Variants in FAM120C observed in about 807,000 individuals in gnomAD.
The protein encoded by FAM120C is constitutive coactivator of PPAR-gamma-like protein 2.
FAM120C carries 14 observed loss-of-function variants against 71.2 expected under a neutral mutation model. The ratio of observed to expected loss-of-function variants is 0.20; its 90% CI spans 0.13 to 0.31. The LOEUF is 0.31. Ranked by LOEUF, FAM120C falls within the 10% of genes least tolerant of loss-of-function variation. The pLI, the probability that FAM120C is intolerant of heterozygous loss-of-function variation, is 1.00. For synonymous variants in FAM120C, 354 were observed against 353.2 expected (o/e 1.00, Z -0.03); for missense variants, 500 against 879.0 (o/e 0.57, Z 5.45).
intron 10 of FAM120C, among the ~76,000 whole-genome samples, chrX:54,102,373 G>A (rs2066886518): frequency 1.2e-5 from 1 of 81,625 alleles, no homozygotes; most frequent in African/African-American, 4.2e-5. Context: ...CCTGAAACTG[G>A]GTAATTTATA....
chrX:54,095,806 A>AG, intron 10 of FAM120C, among the ~76,000 whole-genome samples: 1 of 109,457 alleles, frequency 9.1e-6, no homozygotes, highest in South Asian at 4.0e-4. Context: ...ACAGGCATGC[A>AG]CCACCATGCC....
intron 13 of FAM120C, among the ~76,000 whole-genome samples, chrX:54,082,577 G>A (rs1342231219): frequency 9.2e-6 from 1 of 108,472 alleles, no homozygotes; most frequent in Non-Finnish European, 1.9e-5. Context: ...CCCAGCTAAT[G>A]TTTGTATTTT....
intron 10 of FAM120C, among the ~76,000 whole-genome samples, chrX:54,105,836 G>C (rs1434683193): frequency 9.0e-6 from 1 of 111,355 alleles, no homozygotes. Flanking sequence ...AAATACCTAG[G>C]AATACAACTT....
At chrX:54,148,337 A>G (rs1417387028) in intron 4 of FAM120C, among the ~76,000 whole-genome samples, 1 of 111,432 alleles carries the variant, frequency 9.0e-6, no homozygotes, top group African/African-American at 3.3e-5. Flanking sequence ...AGGATATATG[A>G]ATGAAGTATG....
At chrX:54,175,510 C>A (rs2516038) in intron 1 of FAM120C, among the ~76,000 whole-genome samples, 26,150 of 104,406 alleles carry the variant, frequency 0.25, 6,851 homozygotes, top group African/African-American at 0.78. Context: ...ATATTTTATA[C>A]TTTTTTTTTT....
At position 54,131,850 on chromosome X, in the gene FAM120C, C is replaced by A. The variant is rs781835103; in HGVS notation, c.2062+842G>T. On this transcript the variant is annotated intron_variant, in intron 9 of 15. Coordinates refer to ENST00000375180, the MANE Select transcript of FAM120C (RefSeq NM_017848.6). ...AATCTCGGCTCACTGCAAGCTCCGC[C>A]TCCCAGGTTCATGCCATTCTCCCGA... Among the ~76,000 whole-genome samples, 457 of 109,746 alleles carry A rather than the reference C, an allele frequency of 4.2e-3. 1 individual carries two copies. Among genetic ancestry groups the A allele is most frequent in the African/African-American group, 0.015 (447 of 29,649 alleles).
At chrX:54,110,808 G>A (rs1179763958) in intron 10 of FAM120C, among the ~76,000 whole-genome samples, 6 of 110,802 alleles carry the variant, frequency 5.4e-5, no homozygotes, top group South Asian at 3.8e-4. Flanking sequence ...GCCTGTAGCC[G>A]CAGCACTTTG....
chrX:54,136,740 G>T (rs2067096558), intron 4 of FAM120C, 150 bp from the exon 5 acceptor site: 2 of 423,169 alleles, frequency 4.7e-6, no homozygotes, highest in Non-Finnish European at 8.2e-6. Flanking sequence ...ACAAGATTAG[G>T]CAGGGAGAAA....
At position 54,085,924 on chromosome X, in the gene FAM120C, T is replaced by C; in HGVS notation, c.2638-8A>G. ...TTTGGTTGCCAGGTCAGCCTTCAAA[T>C]GAGGAAGAGTAATAATAGCAGCTGC... On this transcript the variant is annotated splice_polypyrimidine_tract_variant and splice_region_variant and intron_variant, in intron 12 of 15. Coordinates refer to ENST00000375180, the MANE Select transcript of FAM120C (RefSeq NM_017848.6). 1 of 1,207,327 alleles carries C rather than the reference T, an allele frequency of 8.3e-7. No homozygotes were observed. Among genetic ancestry groups the C allele is most frequent in the East Asian group, 3.0e-5 (1 of 33,808 alleles).
At chrX:54,102,822 C>T (rs1015308774) in intron 10 of FAM120C, among the ~76,000 whole-genome samples, 1 of 98,414 alleles carries the variant, frequency 1.0e-5, no homozygotes, top group Non-Finnish European at 2.0e-5. Context: ...TGGGTTCAAG[C>T]GATTCTCCTG....
chrX:54,174,877 T>C (rs1226571445), intron 1 of FAM120C, among the ~76,000 whole-genome samples: 5 of 112,360 alleles, frequency 4.4e-5, no homozygotes, highest in African/African-American at 1.6e-4. Context: ...GTGATACAGA[T>C]GAACGGGCAA....
chrX:54,080,891 C>A (rs982601132), intron 14 of FAM120C, among the ~76,000 whole-genome samples: 10 of 105,797 alleles, frequency 9.5e-5, no homozygotes, highest in African/African-American at 3.4e-4. Flanking sequence ...GAAAGTTGGT[C>A]AGGCATGGTG....
intron 1 of FAM120C, among the ~76,000 whole-genome samples, chrX:54,172,595 T>C (rs1557136078): frequency 8.9e-6 from 1 of 112,120 alleles, no homozygotes; most frequent in Non-Finnish European, 1.9e-5. Context: ...ATCCAGGTAT[T>C]TCCAGATGTA....
chrX:54,155,179 G>A (rs1238839071), intron 3 of FAM120C, among the ~76,000 whole-genome samples: 2 of 111,420 alleles, frequency 1.8e-5, no homozygotes, highest in Non-Finnish European at 3.8e-5. Context: ...ACTCTAGGCT[G>A]GGCAACAGAA....
chrX:54,172,818 G>T (rs1234597216), intron 1 of FAM120C, among the ~76,000 whole-genome samples: 2 of 111,987 alleles, frequency 1.8e-5, no homozygotes, highest in Non-Finnish European at 3.8e-5. Context: ...CATGTTTCCA[G>T]ATGGTACAAT....
chrX:54,171,304 G>A (rs1459040174), intron 1 of FAM120C, among the ~76,000 whole-genome samples: 1 of 111,003 alleles, frequency 9.0e-6, no homozygotes, highest in African/African-American at 3.3e-5. Flanking sequence ...CTAGCTACTG[G>A]GGAGGCTGAG....
intron 9 of FAM120C, among the ~76,000 whole-genome samples, chrX:54,131,658 G>A (rs2067067373): frequency 9.0e-6 from 1 of 111,711 alleles, no homozygotes; most frequent in South Asian, 3.7e-4. Flanking sequence ...GGCTGGTCTC[G>A]AACTCCTGAC....
At chrX:54,117,697 GA>G (rs1373379105) in intron 9 of FAM120C, among the ~76,000 whole-genome samples, 2 of 99,463 alleles carry the variant, frequency 2.0e-5, no homozygotes, top group Admixed American at 1.1e-4. Context: ...GACTTCGTTT[GA>G]AAAAAAAACA....
chrX:54,126,457 C>G (rs782253749), intron 9 of FAM120C, among the ~76,000 whole-genome samples: 1 of 111,939 alleles, frequency 8.9e-6, no homozygotes, highest in East Asian at 2.8e-4. Flanking sequence ...TTCATATACA[C>G]AGGTTCTGCA....
Sources: gnomAD v4.1 joint callset for allele counts (sites outside exome capture counted in the v4.1 genomes callset) on GRCh38, gnomAD v4.1.1 for gene constraint, MANE v1.5 for transcripts, NCBI Gene and HGNC (gene_info 2026-07-23, HGNC 2026-07-21) for gene names.